The following TSEN2 variants were observed in gnomAD, a reference collection of about 807,000 sequenced individuals.
The protein encoded by TSEN2 is tRNA-splicing endonuclease subunit Sen2.
A neutral mutation model predicts 59.2 loss-of-function variants in TSEN2; 54 were observed. The ratio of observed to expected loss-of-function variants is 0.91; its 90% confidence interval spans 0.73 to 1.14. The LOEUF is 1.14. Among genes scored for constraint, TSEN2 ranks in the 50% most tolerant of loss-of-function variants. The probability of loss-of-function intolerance (pLI) is 0.00; values close to 1 mark genes in which losing one functional copy is unlikely to be tolerated. For missense variants in TSEN2, 636 were observed against 576.2 expected (o/e 1.10, Z -1.06); for synonymous variants, 195 against 198.2 (o/e 0.98, Z 0.14).
At chr3:12,511,454 A>T (rs190180380) in intron 6 of TSEN2, among the ~76,000 whole-genome samples, 1 of 152,230 alleles carries the variant, frequency 6.6e-6, no homozygotes, top group Non-Finnish European at 1.5e-5. Context: ...ACAGCTGATT[A>T]GCCATTTGGA....
At chr3:12,533,847 G>C (rs2057604028), downstream of TSEN2, among the ~76,000 whole-genome samples, 1 of 152,046 alleles carries the variant, frequency 6.6e-6, no homozygotes, top group African/African-American at 2.4e-5. Context: ...AATTTGGATA[G>C]CCAATATGGG....
chr3:12,509,210 T>G (rs112449569), intron 6 of TSEN2, among the ~76,000 whole-genome samples: 2,831 of 150,898 alleles, frequency 0.019, 48 homozygotes, highest in South Asian at 0.06. Context: ...TGTTGTTGTT[T>G]TTTTTTTTGA....
At chr3:12,496,686 G>A (rs1028611153) in intron 4 of TSEN2, 132 bp downstream of exon 4, 1 of 865,280 alleles carries the variant, frequency 1.2e-6, no homozygotes, top group Non-Finnish European at 1.9e-6. Context: ...ATGTATCCTT[G>A]AAAATTATGT....
At chr3:12,505,458 G>A (rs896415028) in intron 6 of TSEN2, 20 of 508,470 alleles carry the variant, frequency 3.9e-5, no homozygotes, top group African/African-American at 7.7e-5. Flanking sequence ...CAGAAGATTC[G>A]AGGGGTTTTT....
intron 6 of TSEN2, among the ~76,000 whole-genome samples, chr3:12,515,245 A>AT (rs1248025079): frequency 6.6e-6 from 1 of 152,124 alleles, no homozygotes; most frequent in Non-Finnish European, 1.5e-5. Flanking sequence ...TGTTCTGTGT[A>AT]TGCCGGGTTA....
chr3:12,509,201 G>T (rs559890094), intron 6 of TSEN2, among the ~76,000 whole-genome samples: 2,859 of 115,006 alleles, frequency 0.025, 48 homozygotes, highest in South Asian at 0.062. Context: ...GGTTTTTTTT[G>T]TTGTTGTTTT....
chr3:12,495,121 G>A (rs1332282963), intron 3 of TSEN2, among the ~76,000 whole-genome samples: 12 of 51,652 alleles, frequency 2.3e-4, no homozygotes, highest in East Asian at 1.5e-3. Flanking sequence ...ATGCAACTCC[G>A]TCTCCAAAAA....
At chr3:12,510,257 A>G (rs749342525) in intron 6 of TSEN2, among the ~76,000 whole-genome samples, 1 of 152,148 alleles carries the variant, frequency 6.6e-6, no homozygotes, top group Non-Finnish European at 1.5e-5. Flanking sequence ...TGCCACCGTC[A>G]CCAGACTCCC....
At chr3:12,489,710 A>C in intron 1 of TSEN2, 74 bp from the exon 2 acceptor site, 4 of 1,276,432 alleles carry the variant, frequency 3.1e-6, no homozygotes, top group Non-Finnish European at 4.4e-6. Flanking sequence ...GCCTAGGTAC[A>C]GATGTACTCA....
intron 6 of TSEN2, chr3:12,506,781 G>A (rs1004371120): frequency 6.7e-5 from 66 of 985,256 alleles, no homozygotes; most frequent in Non-Finnish European, 7.4e-5. Flanking sequence ...CAGGAGCTCT[G>A]TGATGGCTTT....
chr3:12,490,076 A>G, intron 2 of TSEN2, 87 bp downstream of exon 2: 1 of 1,214,572 alleles, frequency 8.2e-7, no homozygotes, highest in East Asian at 2.3e-5. Flanking sequence ...CCATACCCCC[A>G]CACCAACCAT....
At chr3:12,514,969 G>A (rs2055903448) in intron 6 of TSEN2, 2 of 152,110 alleles carry the variant, frequency 1.3e-5, no homozygotes. Context: ...CTAGATTCTT[G>A]CATCTGCTTC....
At chr3:12,521,588 G>C (rs1559347665) in intron 8 of TSEN2, among the ~76,000 whole-genome samples, 2 of 152,156 alleles carry the variant, frequency 1.3e-5, no homozygotes, top group Non-Finnish European at 2.9e-5. Flanking sequence ...GGTGGTGCAT[G>C]CCTGTAATCT....
intron 1 of TSEN2, among the ~76,000 whole-genome samples, chr3:12,485,534 GAATTTGAA>G (rs2052526896): frequency 1.3e-5 from 2 of 152,182 alleles, no homozygotes; most frequent in Admixed American, 1.3e-4. Flanking sequence ...GGGATTAAGT[GAATTTGAA>G]TAGACCTTGC....
At chr3:12,492,999 T>C (rs1331245062) in intron 3 of TSEN2, among the ~76,000 whole-genome samples, 1 of 152,256 alleles carries the variant, frequency 6.6e-6, no homozygotes, top group African/African-American at 2.4e-5. Context: ...TTACCTATTA[T>C]AGATATTTCA....
intron 1 of TSEN2, among the ~76,000 whole-genome samples, chr3:12,488,726 T>G (rs577894425): frequency 1.3e-5 from 2 of 152,344 alleles, no homozygotes; most frequent in East Asian, 3.9e-4. Context: ...GGGTGCACAG[T>G]GGGTAATTCC....
intron 6 of TSEN2, among the ~76,000 whole-genome samples, chr3:12,512,866 T>C (rs1284063911): frequency 3.9e-5 from 6 of 152,248 alleles, no homozygotes; most frequent in Non-Finnish European, 2.9e-5. Flanking sequence ...GGATCTGTTA[T>C]TGAGATCTAT....
At chr3:12,523,076 G>A (rs1015710235) in intron 8 of TSEN2, among the ~76,000 whole-genome samples, 2 of 152,144 alleles carry the variant, frequency 1.3e-5, no homozygotes, top group African/African-American at 4.8e-5. Context: ...TTAACAGCTC[G>A]TTAAGTACAC....
At chr3:12,505,421 C>G in intron 6 of TSEN2, 190 bp downstream of exon 6, 2 of 586,380 alleles carry the variant, frequency 3.4e-6, no homozygotes, top group Non-Finnish European at 6.2e-6. Flanking sequence ...TTCATCAGTT[C>G]TAAGATATGT....
Sources: gnomAD v4.1 joint callset for allele counts (sites outside exome capture counted in the v4.1 genomes callset) on GRCh38, gnomAD v4.1.1 for gene constraint, MANE v1.5 for transcripts, NCBI Gene and HGNC (gene_info 2026-07-23, HGNC 2026-07-21) for gene names.